TBC1D22B: variants seen among roughly 807,000 people sequenced by gnomAD.
The protein encoded by TBC1D22B is TBC1 domain family member 22B.
A neutral mutation model predicts 69.1 loss-of-function variants in TBC1D22B; 32 were observed. The observed-to-expected ratio is 0.46, with a 90% CI of 0.35 to 0.62. The LOEUF (loss-of-function observed/expected upper bound fraction) is 0.62, where lower values mean the gene tolerates loss of function less well. Ranked by LOEUF, TBC1D22B falls within the 20% of genes least tolerant of loss-of-function variation. The pLI is 0.00. For synonymous variants in TBC1D22B, 206 were observed against 229.8 expected (o/e 0.90, Z 0.94); for missense variants, 462 against 630.9 (o/e 0.73, Z 2.87).
chr6:37,270,464 T>C (rs1013309889), intron 2 of TBC1D22B, among the ~76,000 whole-genome samples: 9 of 151,894 alleles, frequency 5.9e-5, no homozygotes, highest in African/African-American at 2.2e-4. Flanking sequence ...AAAATAAAAA[T>C]AAAAATAAAT....
chr6:37,285,194 T>G (rs2113743822), intron 6 of TBC1D22B, among the ~76,000 whole-genome samples: 1 of 152,190 alleles, frequency 6.6e-6, no homozygotes, highest in Non-Finnish European at 1.5e-5. Context: ...GTCTTTTGCA[T>G]AGTTAGACTG....
At chr6:37,268,232 T>G (rs901369469) in intron 1 of TBC1D22B, among the ~76,000 whole-genome samples, 1 of 152,180 alleles carries the variant, frequency 6.6e-6, no homozygotes, top group Non-Finnish European at 1.5e-5. Flanking sequence ...ATTCTCATTT[T>G]CTTTCTTCTC....
chr6:37,319,733 C>T (rs1182601922), intron 12 of TBC1D22B, among the ~76,000 whole-genome samples: 1 of 152,166 alleles, frequency 6.6e-6, no homozygotes, highest in Admixed American at 6.5e-5. Context: ...CCTCCCACCT[C>T]CATAGTTCTA....
At chr6:37,315,940 T>C (rs768447363) in intron 10 of TBC1D22B, among the ~76,000 whole-genome samples, 2 of 152,230 alleles carry the variant, frequency 1.3e-5, no homozygotes, top group Non-Finnish European at 2.9e-5. Flanking sequence ...CCAGGTGCCA[T>C]TGTAAGCACT....
At chr6:37,277,179 G>A (rs1398640217) in intron 2 of TBC1D22B, among the ~76,000 whole-genome samples, 1 of 151,378 alleles carries the variant, frequency 6.6e-6, no homozygotes, top group Non-Finnish European at 1.5e-5. Flanking sequence ...TTTGATGATT[G>A]ATTAAAGAAT....
chr6:37,305,540 C>T (rs1767687045), intron 8 of TBC1D22B, among the ~76,000 whole-genome samples: 1 of 130,056 alleles, frequency 7.7e-6, no homozygotes, highest in Non-Finnish European at 1.6e-5. Context: ...TTTTTTGAGA[C>T]GGAGTGTTGC....
At chr6:37,280,074 GA>G (rs1766779292) in intron 3 of TBC1D22B, among the ~76,000 whole-genome samples, 2 of 152,322 alleles carry the variant, frequency 1.3e-5, no homozygotes, top group East Asian at 3.9e-4. Flanking sequence ...GTTCCTGAGG[GA>G]GGGAGCAAAT....
chr6:37,292,224 C>T (rs1436651806), intron 8 of TBC1D22B, among the ~76,000 whole-genome samples: 1 of 151,788 alleles, frequency 6.6e-6, no homozygotes, highest in Non-Finnish European at 1.5e-5. Flanking sequence ...TTTCTTTAGA[C>T]TCTGAGGGTA....
At chr6:37,309,085 T>C (rs1767824979) in intron 8 of TBC1D22B, among the ~76,000 whole-genome samples, 1 of 152,240 alleles carries the variant, frequency 6.6e-6, no homozygotes, top group Non-Finnish European at 1.5e-5. Context: ...GCACTTTTCA[T>C]ATATTAACTA....
intron 5 of TBC1D22B, among the ~76,000 whole-genome samples, chr6:37,283,591 T>G (rs1483527211): frequency 6.6e-6 from 1 of 152,152 alleles, no homozygotes; most frequent in Non-Finnish European, 1.5e-5. Context: ...AGAAGAAGGG[T>G]CTGTCTCCTG....
chr6:37,257,896 A>G lies in TBC1D22B; in HGVS notation c.-22A>G. On this transcript the variant is annotated 5_prime_UTR_variant, in exon 1 of 13. Coordinates refer to ENST00000373491, the MANE Select transcript of TBC1D22B (RefSeq NM_017772.4). ...CGGGCAAACCCTTGGCCCGCCTACA[A>G]GGACTTCCCCCGGCCAGAGCAATGG... 1 of 1,612,566 alleles carries G rather than the reference A, an allele frequency of 6.2e-7. No homozygotes were observed. Among genetic ancestry groups the G allele is most frequent in the South Asian group, 1.1e-5 (1 of 90,682 alleles).
chr6:37,276,977 G>A (rs566881808), intron 2 of TBC1D22B, among the ~76,000 whole-genome samples: 2 of 152,088 alleles, frequency 1.3e-5, no homozygotes, highest in East Asian at 3.9e-4. Flanking sequence ...ACACACCCTG[G>A]TACCCACCCC....
Position 37,331,395 on chromosome 6 carries a change from T to C in TBC1D22B, c.*223T>C. 1 of 501,224 alleles carries C rather than the reference T, an allele frequency of 2.0e-6. No homozygotes were observed. The highest frequency in any genetic ancestry group is 3.6e-6 in the Non-Finnish European group (1 of 275,918). 31.0% of individuals were successfully genotyped at this position (501,224 alleles called of 1,614,324 possible). ...CATGCCGCGTGGATGGGCCCAGTTC[T>C]GGGAGAGGACAGAAAAGGTGGTACA... On this transcript the variant is annotated 3_prime_UTR_variant, in exon 13 of 13. Transcript: ENST00000373491.
At chr6:37,266,587 G>C (rs528930569) in intron 1 of TBC1D22B, among the ~76,000 whole-genome samples, 215 of 151,670 alleles carry the variant, frequency 1.4e-3, no homozygotes, top group African/African-American at 4.7e-3. Context: ...TCAGCCTCCT[G>C]AGTAGTTGGG....
intron 8 of TBC1D22B, among the ~76,000 whole-genome samples, chr6:37,299,656 C>T (rs963795307): frequency 2.0e-5 from 3 of 152,204 alleles, no homozygotes; most frequent in Non-Finnish European, 4.4e-5. Flanking sequence ...GCAGCTTCTC[C>T]TTTAGGGTTT....
chr6:37,305,881 ATGT>A (rs1186751912), intron 8 of TBC1D22B, among the ~76,000 whole-genome samples: 1 of 152,116 alleles, frequency 6.6e-6, no homozygotes, highest in African/African-American at 2.4e-5. Context: ...TTCCACTTTA[ATGT>A]TGTTAGTTTG....
intron 8 of TBC1D22B, among the ~76,000 whole-genome samples, chr6:37,310,792 T>G (rs1362925666): frequency 6.6e-6 from 1 of 152,256 alleles, no homozygotes; most frequent in Non-Finnish European, 1.5e-5. Flanking sequence ...AAAAGGCAGA[T>G]GTAGTCAATT....
intron 8 of TBC1D22B, among the ~76,000 whole-genome samples, chr6:37,312,672 G>T (rs1767951477): frequency 6.6e-6 from 1 of 152,204 alleles, no homozygotes; most frequent in South Asian, 2.1e-4. Flanking sequence ...TGTTGGACCT[G>T]ATGGGACTAG....
intron 8 of TBC1D22B, among the ~76,000 whole-genome samples, chr6:37,297,416 A>G (rs1315069673): frequency 6.6e-6 from 1 of 152,218 alleles, no homozygotes; most frequent in Admixed American, 6.5e-5. Flanking sequence ...GAACTTGGAC[A>G]TACTGATTTC....
Sources: gnomAD v4.1 joint callset for allele counts (sites outside exome capture counted in the v4.1 genomes callset) on GRCh38, gnomAD v4.1.1 for gene constraint, MANE v1.5 for transcripts, NCBI Gene and HGNC (gene_info 2026-07-23, HGNC 2026-07-21) for gene names.